The following RSPO3 variants were observed in gnomAD, a reference collection of about 807,000 sequenced individuals.
RSPO3 encodes R-spondin-3.
A neutral mutation model predicts 36.5 loss-of-function variants in RSPO3; 17 were observed. The ratio of observed to expected loss-of-function variants is 0.47; its 90% confidence interval spans 0.32 to 0.70. The LOEUF is 0.70. RSPO3 is among the 30% of genes least tolerant of loss of function. The pLI is 0.04. For synonymous variants in RSPO3, 108 were observed against 107.0 expected, an observed-to-expected ratio of 1.01 and a Z score of -0.06; for missense variants, 294 against 322.5, an observed-to-expected ratio of 0.91 and a Z score of 0.68.
intron 1 of RSPO3, among the ~76,000 whole-genome samples, chr6:127,124,497 T>C (rs1179243144): frequency 6.6e-6 from 1 of 152,132 alleles, no homozygotes; most frequent in African/African-American, 2.4e-5. Context: ...TAACAGTGCA[T>C]TATGTGCTGG....
chr6:127,155,077 T>G (rs1774565552), intron 3 of RSPO3, among the ~76,000 whole-genome samples, 164 bp from the exon 4 acceptor site: 1 of 152,220 alleles, frequency 6.6e-6, no homozygotes, highest in Non-Finnish European at 1.5e-5. Flanking sequence ...AATTTCTGCC[T>G]TTCCCATTCT....
At chr6:127,188,664 TAAAAAG>T (rs957332646) in intron 4 of RSPO3, among the ~76,000 whole-genome samples, 3 of 151,796 alleles carry the variant, frequency 2.0e-5, no homozygotes, top group African/African-American at 4.8e-5. Flanking sequence ...GTAGCAAAAA[TAAAAAG>T]AAAGAGAATA....
At chr6:127,146,674 G>A (rs1774390267) in intron 1 of RSPO3, among the ~76,000 whole-genome samples, 1 of 152,016 alleles carries the variant, frequency 6.6e-6, no homozygotes, top group South Asian at 2.1e-4. Context: ...GGGATGGATT[G>A]GCATGGACCA....
At chr6:127,188,488 AAT>A (rs930393992) in intron 4 of RSPO3, among the ~76,000 whole-genome samples, 1 of 152,020 alleles carries the variant, frequency 6.6e-6, no homozygotes, top group African/African-American at 2.4e-5. Flanking sequence ...AAAATATGAA[AAT>A]ATGTGATAAT....
intron 4 of RSPO3, among the ~76,000 whole-genome samples, chr6:127,179,074 C>A (rs1179330324): frequency 6.6e-6 from 1 of 151,778 alleles, no homozygotes; most frequent in Admixed American, 6.6e-5. Flanking sequence ...ATGATATAGT[C>A]CAGATGAATT....
intron 1 of RSPO3, among the ~76,000 whole-genome samples, chr6:127,128,175 G>C (rs1416702345): frequency 6.6e-6 from 1 of 151,942 alleles, no homozygotes; most frequent in Non-Finnish European, 1.5e-5. Flanking sequence ...ATATTTTACT[G>C]GCTATTGTTA....
intron 4 of RSPO3, among the ~76,000 whole-genome samples, chr6:127,189,052 G>A (rs931800116): frequency 6.6e-6 from 1 of 151,950 alleles, no homozygotes; most frequent in Non-Finnish European, 1.5e-5. Context: ...AAGTTGGCCT[G>A]GTACATATTA....
intron 1 of RSPO3, among the ~76,000 whole-genome samples, chr6:127,145,066 G>C (rs187893716): frequency 1.6e-4 from 25 of 152,150 alleles, no homozygotes; most frequent in Non-Finnish European, 2.9e-5. Flanking sequence ...ATGATTCCAA[G>C]CCAGGTTTAT....
At chr6:127,139,648 A>G (rs764838842) in intron 1 of RSPO3, among the ~76,000 whole-genome samples, 10 of 152,162 alleles carry the variant, frequency 6.6e-5, no homozygotes, top group Non-Finnish European at 1.3e-4. Context: ...GCCAGACCAC[A>G]GCACATAATG....
At position 127,148,648 on chromosome 6, in the gene RSPO3, T is replaced by G. The variant is rs1562244739; in HGVS notation, c.98T>G (p.Met33Arg). The change falls in exon 2 of 5, where the codon ATG becomes AGG. Residue 33 changes from methionine (M) to arginine (R), a missense_variant and splice_region_variant. Physicochemically the swap from Met to Arg is moderately conservative, Grantham distance 91 (BLOSUM62 -1). Around this residue, in one of 3 missense-constraint regions of RSPO3, gnomAD observed 61 missense variants for 51.3 expected, o/e 1.19. Transcript: ENST00000356698. ...NASRGRRQRR[M>R]HPNVSQGCQG... ...TGTCTTTCTACATTTGTCTCCACAG[T>G]GCATCCTAACGTTAGTCAAGGCTGC... 1 of 1,610,254 alleles carries G rather than the reference T, an allele frequency of 6.2e-7. No homozygotes were observed. The highest frequency in any genetic ancestry group is 1.3e-5 in the African/African-American group (1 of 74,960).
intron 1 of RSPO3, among the ~76,000 whole-genome samples, chr6:127,126,022 C>A (rs562053314): frequency 1.3e-5 from 2 of 152,140 alleles, no homozygotes; most frequent in East Asian, 3.9e-4. Context: ...ATCAGTAGTT[C>A]TTGGCAATTA....
At chr6:127,158,964 T>G (rs1465040661) in intron 4 of RSPO3, among the ~76,000 whole-genome samples, 1 of 152,170 alleles carries the variant, frequency 6.6e-6, no homozygotes, top group Non-Finnish European at 1.5e-5. Flanking sequence ...TTATACAGAC[T>G]AATATATAAA....
chr6:127,159,478 T>C (rs558241214), intron 4 of RSPO3, among the ~76,000 whole-genome samples: 2 of 151,958 alleles, frequency 1.3e-5, no homozygotes, highest in South Asian at 2.1e-4. Context: ...CCCTTTAAAA[T>C]AGAAAGAAAT....
intron 1 of RSPO3, among the ~76,000 whole-genome samples, chr6:127,130,015 GAACA>G (rs1774020273): frequency 6.6e-6 from 1 of 152,122 alleles, no homozygotes; most frequent in African/African-American, 2.4e-5. Context: ...TCTGGAGCTA[GAACA>G]AACTTATGAT....
At chr6:127,186,227 T>G (rs1775291541) in intron 4 of RSPO3, among the ~76,000 whole-genome samples, 1 of 152,106 alleles carries the variant, frequency 6.6e-6, no homozygotes, top group African/African-American at 2.4e-5. Context: ...AGGCATTTGG[T>G]GAATATTTAT....
At chr6:127,139,538 AAT>A (rs1774226650) in intron 1 of RSPO3, among the ~76,000 whole-genome samples, 2 of 133,562 alleles carry the variant, frequency 1.5e-5, no homozygotes, top group African/African-American at 5.6e-5. Flanking sequence ...CCTTAAAAAA[AAT>A]ATATCTTTTT....
intron 1 of RSPO3, among the ~76,000 whole-genome samples, chr6:127,131,161 C>T (rs566869014): frequency 6.6e-6 from 1 of 152,230 alleles, no homozygotes; most frequent in South Asian, 2.1e-4. Context: ...TAGATGCATA[C>T]TTGGCCCTAG....
chr6:127,170,626 TAC>T (rs1774917158), intron 4 of RSPO3, among the ~76,000 whole-genome samples: 1 of 151,782 alleles, frequency 6.6e-6, no homozygotes, highest in African/African-American at 2.4e-5. Flanking sequence ...TGGCAGCAAC[TAC>T]AGTGTTCATT....
At chr6:127,155,551 T>C in intron 4 of RSPO3, 113 bp downstream of exon 4, 1 of 984,904 alleles carries the variant, frequency 1.0e-6, no homozygotes, top group South Asian at 1.5e-5. Flanking sequence ...TATCCTAAAA[T>C]GTGTACCAAG....
Sources: allele counts gnomAD v4.1 joint callset (sites outside exome capture counted in the v4.1 genomes callset), GRCh38; gene constraint gnomAD v4.1.1; regional missense constraint gnomAD v4.1.1; transcripts MANE v1.5; gene names NCBI Gene and HGNC (gene_info 2026-07-23, HGNC 2026-07-21).